The following GSG1L variants were observed in gnomAD, a reference collection of about 807,000 sequenced individuals.
GSG1L encodes the protein germ cell-specific gene 1-like protein.
Under a neutral mutation model 42.1 loss-of-function variants are expected in GSG1L, and 24 were observed. The observed-to-expected ratio is 0.57, with a 90% CI of 0.41 to 0.80. The LOEUF is 0.80. Ranked by LOEUF, GSG1L falls within the 30% of genes least tolerant of loss-of-function variation. The probability of loss-of-function intolerance (pLI) is 0.00; values close to 1 mark genes in which losing one functional copy is unlikely to be tolerated. For synonymous variants in GSG1L, 215 were observed against 203.5 expected, an observed-to-expected ratio of 1.06 and a Z score of -0.48; for missense variants, 445 against 472.2, an observed-to-expected ratio of 0.94 and a Z score of 0.53.
intron 3 of GSG1L, among the ~76,000 whole-genome samples, chr16:27,851,683 T>C (rs9939540): frequency 0.71 from 107,368 of 152,100 alleles, 38,923 homozygotes; most frequent in African/African-American, 0.88. Flanking sequence ...TGTTGCTTGT[T>C]GTGTGAGATC....
intron 1 of GSG1L, among the ~76,000 whole-genome samples, chr16:27,995,106 C>T (rs964187330): frequency 1.8e-4 from 28 of 152,210 alleles, no homozygotes; most frequent in African/African-American, 6.8e-4. Context: ...CCAAGCAGCA[C>T]TGGGTCTCAA....
chr16:27,799,298 C>T (rs988197595), intron 6 of GSG1L, among the ~76,000 whole-genome samples: 4 of 132,462 alleles, frequency 3.0e-5, no homozygotes, highest in Admixed American at 8.2e-5. Context: ...CTTTGGGAGT[C>T]CAAGGCAGGA....
intron 2 of GSG1L, among the ~76,000 whole-genome samples, chr16:27,906,714 C>T (rs2084324784): frequency 6.6e-6 from 1 of 152,200 alleles, no homozygotes; most frequent in Non-Finnish European, 1.5e-5. Flanking sequence ...CCTTCTCTCC[C>T]CTGGCCACGC....
At chr16:27,958,440 A>G (rs562820866) in intron 2 of GSG1L, among the ~76,000 whole-genome samples, 28 of 150,946 alleles carry the variant, frequency 1.9e-4, no homozygotes, top group Admixed American at 3.3e-4. Flanking sequence ...AAAGAAAACT[A>G]TATCAGTCAT....
intron 2 of GSG1L, among the ~76,000 whole-genome samples, chr16:27,933,386 C>G (rs960576347): frequency 6.6e-6 from 1 of 152,066 alleles, no homozygotes; most frequent in Non-Finnish European, 1.5e-5. Context: ...GTTGCTCACA[C>G]CTGGAATCCC....
intron 1 of GSG1L, among the ~76,000 whole-genome samples, chr16:28,052,034 GAA>G (rs769070367): frequency 8.6e-4 from 131 of 152,266 alleles, no homozygotes; most frequent in Admixed American, 2.6e-3. Flanking sequence ...ATGTGTTTGG[GAA>G]AAGAGTCAGC....
At chr16:27,922,043 G>C (rs1323341768) in intron 2 of GSG1L, among the ~76,000 whole-genome samples, 1 of 138,296 alleles carries the variant, frequency 7.2e-6, no homozygotes, top group African/African-American at 2.7e-5. Flanking sequence ...ATGTCCTTCA[G>C]TGCTGGTGAT....
At chr16:27,947,384 A>AAGAAAGAAAGAAAGAAAG (rs373703555) in intron 2 of GSG1L, among the ~76,000 whole-genome samples, 22 of 130,760 alleles carry the variant, frequency 1.7e-4, no homozygotes, top group African/African-American at 6.1e-4. Context: ...GAAAGAAAGA[A>AAGAAAGAAAGAAAGAAAG]AAAGAAAGAA....
At chr16:27,852,528 G>T (rs1000758284) in intron 3 of GSG1L, among the ~76,000 whole-genome samples, 10 of 152,024 alleles carry the variant, frequency 6.6e-5, no homozygotes, top group Admixed American at 1.3e-4. Context: ...GAGTGGAAGG[G>T]TCAGAGGGAG....
intron 1 of GSG1L, among the ~76,000 whole-genome samples, chr16:28,049,549 T>C (rs1255729797): frequency 6.6e-6 from 1 of 151,614 alleles, no homozygotes; most frequent in African/African-American, 2.4e-5. Flanking sequence ...TAGGTGGGCA[T>C]GGTGACACAT....
At chr16:28,032,729 C>G (rs924046377) in intron 1 of GSG1L, among the ~76,000 whole-genome samples, 2 of 152,192 alleles carry the variant, frequency 1.3e-5, no homozygotes, top group Non-Finnish European at 2.9e-5. Flanking sequence ...GGCCAAAAAT[C>G]TAGGAGTTGT....
intron 2 of GSG1L, among the ~76,000 whole-genome samples, chr16:27,943,633 G>A (rs781677461): frequency 8.3e-6 from 1 of 119,862 alleles, no homozygotes. Flanking sequence ...GAAGTGGAAT[G>A]GTGCAATCTC....
intron 2 of GSG1L, among the ~76,000 whole-genome samples, chr16:27,919,091 G>A (rs1214748137): frequency 2.6e-5 from 4 of 152,302 alleles, no homozygotes; most frequent in Admixed American, 2.6e-4. Context: ...ATTCCATCAT[G>A]AGCCACAGTA....
intron 3 of GSG1L, among the ~76,000 whole-genome samples, chr16:27,869,466 T>G (rs1356479116): frequency 6.6e-6 from 1 of 151,270 alleles, no homozygotes; most frequent in African/African-American, 2.5e-5. Flanking sequence ...TCTCTCTCTC[T>G]GTCTCCCTCC....
At chr16:27,808,025 T>C (rs547316320) in intron 5 of GSG1L, among the ~76,000 whole-genome samples, 1 of 152,322 alleles carries the variant, frequency 6.6e-6, no homozygotes, top group East Asian at 1.9e-4. Context: ...AGGCTTCTTT[T>C]TGCTAACTTT....
intron 1 of GSG1L, among the ~76,000 whole-genome samples, chr16:28,017,915 T>C (rs893805824): frequency 6.6e-6 from 1 of 152,210 alleles, no homozygotes; most frequent in African/African-American, 2.4e-5. Context: ...ACACAAGGAA[T>C]GTCTAAGACT....
intron 5 of GSG1L, among the ~76,000 whole-genome samples, chr16:27,814,407 C>T (rs1292603782): frequency 3.9e-5 from 6 of 152,194 alleles, no homozygotes; most frequent in Non-Finnish European, 7.3e-5. Context: ...CCACTGTACC[C>T]GGCCCCCTTA....
chr16:27,989,481 T>A (rs148325829), intron 1 of GSG1L, among the ~76,000 whole-genome samples: 3,045 of 152,294 alleles, frequency 0.02, 45 homozygotes, highest in South Asian at 0.054. Flanking sequence ...GGTTCACACC[T>A]GTAATCCCAG....
intron 2 of GSG1L, among the ~76,000 whole-genome samples, chr16:27,896,949 C>T (rs1284493948): frequency 4.6e-5 from 7 of 152,208 alleles, no homozygotes; most frequent in Non-Finnish European, 8.8e-5. Flanking sequence ...CTACAACCTC[C>T]GCCACCTAGG....
Sources: gnomAD v4.1 joint callset for allele counts (sites outside exome capture counted in the v4.1 genomes callset) on GRCh38, gnomAD v4.1.1 for gene constraint, MANE v1.5 for transcripts, NCBI Gene and HGNC (gene_info 2026-07-23, HGNC 2026-07-21) for gene names.